Variants in FCRL5 observed in about 807,000 individuals in gnomAD.
FCRL5 encodes the protein Fc receptor-like protein 5.
Under a neutral mutation model 92.1 loss-of-function variants are expected in FCRL5, and 79 were observed. The ratio of observed to expected loss-of-function variants is 0.86; its 90% CI spans 0.72 to 1.03. FCRL5 has a LOEUF of 1.03. Among genes scored for constraint, FCRL5 ranks in the 50% least tolerant of loss-of-function variants. The probability of loss-of-function intolerance (pLI) is 0.00; values close to 1 mark genes in which losing one functional copy is unlikely to be tolerated. For missense variants in FCRL5, 1,160 were observed against 1,181.1 expected (o/e 0.98, Z 0.26); for synonymous variants, 466 against 469.3 (o/e 0.99, Z 0.09).
In FCRL5 at chr1:157,527,876, G is replaced by T. The variant is rs754327142; in HGVS notation, c.1701C>A (p.Ile567=). The T allele has an allele frequency of 2.5e-6, 4 of 1,597,792 alleles. No homozygotes were observed. In the South Asian group the frequency reaches 3.4e-5, roughly 14 times the overall value. Residue 567 remains isoleucine, a synonymous_variant, in exon 9 of 17, where the codon ATC becomes ATA. Coordinates refer to ENST00000361835, the MANE Select transcript of FCRL5 (RefSeq NM_031281.3). The part of the protein sequence containing the change: ...LFVTVPVSRP[I]LTLRVPRAQA... ...GGGCCCTGGGAACCCTGAGGGTGAG[G>T]ATGGGGCGAGACACTGGAACTGAGA...
intron 7 of FCRL5, among the ~76,000 whole-genome samples, chr1:157,538,640 G>T (rs1972241): frequency 5.1e-4 from 77 of 152,326 alleles, no homozygotes; most frequent in Non-Finnish European, 9.3e-4. Flanking sequence ...GTGATCCAGC[G>T]ACTTGTCTTT....
intron 8 of FCRL5, chr1:157,534,383 A>G: frequency 1.4e-6 from 1 of 718,692 alleles, no homozygotes; most frequent in Non-Finnish European, 2.6e-6. Context: ...AGAAAATACA[A>G]TAAATAAATT....
At chr1:157,534,129 A>T (rs1163508233) in intron 8 of FCRL5, 10 of 335,278 alleles carry the variant, frequency 3.0e-5, no homozygotes, top group Non-Finnish European at 5.1e-5. Context: ...ACAAGGGATC[A>T]TAAAAACTCC....
intron 12 of FCRL5, 141 bp from the exon 13 acceptor site, chr1:157,519,911 T>C (rs1650098398): frequency 1.2e-6 from 1 of 864,730 alleles, no homozygotes; most frequent in Non-Finnish European, 1.9e-6. Context: ...CCCAGGGAGG[T>C]AGCAGATTGG....
At position 157,524,389 on chromosome 1, in the gene FCRL5, C is replaced by T. The variant is rs571247527; in HGVS notation, c.2129G>A (p.Gly710Glu). The change falls in exon 10 of 17, where the codon GGG (glycine) becomes GAG (glutamate). Residue 710 changes from glycine to glutamate, a missense_variant. Physicochemically the swap from Gly to Glu is moderately conservative, Grantham distance 98. Coordinates refer to ENST00000361835, the MANE Select transcript of FCRL5 (RefSeq NM_031281.3). ...AGTCAGAGAGAGGTTGAAGGAGGCC[C>T]CTCCTCCAGAGGGGGCTGAGATCTT... ...LGKISAPSGG[G>E]ASFNLSLTTE... 1 of 1,614,172 alleles carries T rather than the reference C, an allele frequency of 6.2e-7. No homozygotes were observed. The highest frequency in any genetic ancestry group is 2.2e-5 in the East Asian group (1 of 44,880).
chr1:157,534,482 G>T, intron 8 of FCRL5, 132 bp downstream of exon 8: 1 of 1,086,740 alleles, frequency 9.2e-7, no homozygotes, highest in Non-Finnish European at 1.4e-6. Flanking sequence ...CAGCTAGTTA[G>T]TTGAGGAGGA....
intron 2 of FCRL5, among the ~76,000 whole-genome samples, chr1:157,549,331 T>G (rs1001182070): frequency 3.1e-4 from 47 of 151,408 alleles, no homozygotes; most frequent in Non-Finnish European, 5.7e-4. Flanking sequence ...ATATACCTAA[T>G]GTTAAATGAC....
intron 5 of FCRL5, 29 bp downstream of exon 5, chr1:157,544,233 A>G: frequency 6.2e-7 from 1 of 1,609,046 alleles, no homozygotes; most frequent in Non-Finnish European, 8.5e-7. Context: ...CCCTCTCTGC[A>G]GCAAATCTCA....
chr1:157,549,319 A>C (rs1200923700), intron 2 of FCRL5, among the ~76,000 whole-genome samples: 1 of 151,430 alleles, frequency 6.6e-6, no homozygotes, highest in African/African-American at 2.4e-5. Flanking sequence ...TAGCATTAGG[A>C]GATATACCTA....
At chr1:157,523,316 C>G (rs1404810953) in intron 10 of FCRL5, among the ~76,000 whole-genome samples, 1 of 152,194 alleles carries the variant, frequency 6.6e-6, no homozygotes, top group Non-Finnish European at 1.5e-5. Flanking sequence ...ATATCTCCTT[C>G]TAGGAACCTG....
chr1:157,524,014 T>C, intron 10 of FCRL5: 2 of 479,462 alleles, frequency 4.2e-6, no homozygotes, highest in Non-Finnish European at 7.3e-6. Flanking sequence ...GTTCAGAATA[T>C]AGTTTATGTT....
intron 6 of FCRL5, among the ~76,000 whole-genome samples, chr1:157,541,495 C>T (rs963741499): frequency 1.3e-5 from 2 of 152,272 alleles, no homozygotes; most frequent in African/African-American, 4.8e-5. Context: ...TCAGTCTGTG[C>T]TGCAGTCGTC....
In FCRL5 at chr1:157,545,522, G is replaced by GTTTTT. The variant is rs754972248; in HGVS notation, c.308-445_308-441dup. Among the ~76,000 whole-genome samples the GTTTTT allele has an allele frequency of 6.1e-3, 517 of 84,970 alleles. 17 individuals carry two copies. The highest frequency in any genetic ancestry group is 7.8e-3 in the Non-Finnish European group (366 of 46,870). 55.7% of individuals were successfully genotyped at this position (84,970 alleles called of 152,430 possible). A position where few individuals can be genotyped will look rare whatever the true frequency, so the allele number is the denominator to read the frequency against. On this transcript the variant is annotated intron_variant, in intron 3 of 16. Coordinates refer to ENST00000361835, the MANE Select transcript of FCRL5 (RefSeq NM_031281.3). ...GGCAGTAATGTAATTTCTTTAATGA[G>GTTTTT]TTTTTTTTTTTTTTTTTTTTTTTTG...
chr1:157,519,460 G>C (rs372372768), intron 13 of FCRL5, among the ~76,000 whole-genome samples: 1 of 152,162 alleles, frequency 6.6e-6, no homozygotes, highest in East Asian at 1.9e-4. Context: ...GGTCATAGTG[G>C]TCATTCAGAC....
chr1:157,549,660 TGC>T, intron 1 of FCRL5, 80 bp from the exon 2 acceptor site: 1 of 1,309,204 alleles, frequency 7.6e-7, no homozygotes, highest in Non-Finnish European at 1.1e-6. Context: ...TTTTTACCCA[TGC>T]ATGTATTACT....
intron 8 of FCRL5, chr1:157,532,290 A>G (rs543590526): frequency 2.6e-5 from 4 of 152,034 alleles, no homozygotes; most frequent in African/African-American, 4.8e-5. Flanking sequence ...GTTCTCTCCT[A>G]TGTGACTCTA....
At chr1:157,519,242 G>T (rs143041294) in intron 13 of FCRL5, among the ~76,000 whole-genome samples, 1 of 152,304 alleles carries the variant, frequency 6.6e-6, no homozygotes, top group East Asian at 1.9e-4. Context: ...CCTTTGTGTG[G>T]CTCCTAAAGT....
At position 157,542,629 on chromosome 1, in the gene FCRL5, G is replaced by A. The variant is rs16838773; in HGVS notation, c.1123+230C>T. On this transcript the variant is annotated intron_variant, in intron 6 of 16. Coordinates refer to ENST00000361835, the MANE Select transcript of FCRL5 (RefSeq NM_031281.3). ...GCTTCTCAGAAATTGGGAACCAGGG[G>A]ATAGAAAGCCACTGCACCATCAGGC... 6.3e-3 allele frequency: 3,179 copies of A among 501,720 alleles called. 72 individuals carry two copies. Among genetic ancestry groups the A allele is most frequent in the African/African-American group, 0.055 (2,920 of 53,144 alleles). The allele number at this position is 501,720 out of a possible 1,614,324, so 31.1% of individuals were successfully genotyped here. A position where few individuals can be genotyped will look rare whatever the true frequency, so the allele number is the denominator to read the frequency against.
At chr1:157,535,943 G>GTTTTTTTTTTTTTTTTTTTTTTTTTTTTT (rs60191062) in intron 7 of FCRL5, among the ~76,000 whole-genome samples, 1 of 90,008 alleles carries the variant, frequency 1.1e-5, no homozygotes, top group Non-Finnish European at 2.1e-5. Context: ...ATGTGACTCA[G>GTTTTTTTTTTTTTTTTTTTTTTTTTTTTT]TTTTTTTTTT....
Sources: gnomAD v4.1 joint callset for allele counts (sites outside exome capture counted in the v4.1 genomes callset) on GRCh38, gnomAD v4.1.1 for gene constraint, MANE v1.5 for transcripts, NCBI Gene and HGNC (gene_info 2026-07-23, HGNC 2026-07-21) for gene names.